Variants in KAZN observed in about 807,000 individuals in gnomAD.
KAZN encodes kazrin.
KAZN carries 40 observed loss-of-function variants against 87.4 expected under a neutral mutation model. The ratio of observed to expected loss-of-function variants is 0.46; its 90% CI spans 0.36 to 0.60. The LOEUF (loss-of-function observed/expected upper bound fraction) is 0.60. KAZN is among the 20% of genes least tolerant of loss of function. The pLI is 0.00. For missense variants in KAZN, 898 were observed against 1,073.9 expected (o/e 0.84, Z 2.29); for synonymous variants, 466 against 458.3 (o/e 1.02, Z -0.22).
At chr1:14,748,979 A>C (rs1644336773) in intron 1 of KAZN, among the ~76,000 whole-genome samples, 1 of 152,224 alleles carries the variant, frequency 6.6e-6, no homozygotes, top group African/African-American at 2.4e-5. Flanking sequence ...TGTAAGAAAA[A>C]GACCACAAAG....
chr1:14,109,320 A>G (rs1644448653), intron 1 of KAZN, among the ~76,000 whole-genome samples: 1 of 152,190 alleles, frequency 6.6e-6, no homozygotes, highest in African/African-American at 2.4e-5. Flanking sequence ...CCATTTATCC[A>G]TTTCAAACTC....
At chr1:14,514,988 C>T (rs781235472) in intron 2 of KAZN, among the ~76,000 whole-genome samples, 1 of 152,096 alleles carries the variant, frequency 6.6e-6, no homozygotes, top group Non-Finnish European at 1.5e-5. Flanking sequence ...TAGAGTATCC[C>T]ATTCCTCTAT....
intron 1 of KAZN, chr1:14,946,040 C>A: frequency 2.6e-6 from 1 of 377,936 alleles, no homozygotes; most frequent in Non-Finnish European, 3.6e-6. Context: ...CTATTGTGAT[C>A]TTCATTCTCC....
upstream of KAZN, chr1:14,598,640 G>C: frequency 8.8e-7 from 1 of 1,138,534 alleles, no homozygotes; most frequent in African/African-American, 1.6e-5. This position sits in a 1 kb window ranked among gnomAD's most constrained non-coding sequence, Gnocchi z 4.2. Context: ...AGCCGGCGGC[G>C]AATGGTAGGC....
At chr1:14,371,019 C>A (rs1193334322) in intron 2 of KAZN, among the ~76,000 whole-genome samples, 1 of 152,138 alleles carries the variant, frequency 6.6e-6, no homozygotes, top group Non-Finnish European at 1.5e-5. Flanking sequence ...ATAATGGACA[C>A]TATTGAACCA....
chr1:14,394,398 G>A (rs182873704), intron 2 of KAZN, among the ~76,000 whole-genome samples: 46 of 152,298 alleles, frequency 3.0e-4, no homozygotes, highest in African/African-American at 1.1e-3. Context: ...TCTGGGATGG[G>A]GGTAGAAAGA....
rs541797334 is a variant in KAZN at position 14,189,620 on chromosome 1, T to G, written c.249+9028T>G. Among the ~76,000 whole-genome samples, 21 of 152,264 alleles carry G rather than the reference T, an allele frequency of 1.4e-4. 1 individual carries two copies. In the South Asian group the frequency reaches 4.1e-3, roughly 30 times the overall value. On this transcript the variant is annotated intron_variant, in intron 2 of 16. Coordinates refer to the KAZN transcript ENST00000636203. ...ACCTCTCTCACCCTCCTTAGCAGGCTAACTCCAGAATATTTCCATAGTGGT... is the reference window on the plus strand; with the variant it reads ...ACCTCTCTCACCCTCCTTAGCAGGCGAACTCCAGAATATTTCCATAGTGGT...
At chr1:14,268,235 G>A (rs1264809853) in intron 2 of KAZN, among the ~76,000 whole-genome samples, 2 of 152,216 alleles carry the variant, frequency 1.3e-5, no homozygotes, top group Admixed American at 1.3e-4. Context: ...TATTTGCACA[G>A]TGCCTGGTAC....
At chr1:14,423,585 C>T (rs963966652) in intron 2 of KAZN, among the ~76,000 whole-genome samples, 1 of 152,086 alleles carries the variant, frequency 6.6e-6, no homozygotes, top group Non-Finnish European at 1.5e-5. Flanking sequence ...TAGAGGATGC[C>T]ATGTATTGAG....
intron 2 of KAZN, among the ~76,000 whole-genome samples, chr1:14,433,381 A>G (rs1296809272): frequency 6.6e-6 from 1 of 152,060 alleles, no homozygotes; most frequent in Non-Finnish European, 1.5e-5. Context: ...TTCATTCAAC[A>G]TAATATTTTT....
intron 2 of KAZN, among the ~76,000 whole-genome samples, chr1:14,997,631 ACAC>A (rs1222115353): frequency 6.6e-6 from 1 of 152,120 alleles, no homozygotes; most frequent in African/African-American, 2.4e-5. Flanking sequence ...GCAGCCTCAC[ACAC>A]CCAGAACAAC....
intron 2 of KAZN, among the ~76,000 whole-genome samples, chr1:14,427,513 A>AACAC (rs141037257): frequency 0.066 from 9,975 of 150,350 alleles, 500 homozygotes; most frequent in South Asian, 0.1. Flanking sequence ...CTATAATTTA[A>AACAC]ACACACACAC....
chr1:14,774,854 C>T (rs1645130360), intron 1 of KAZN, among the ~76,000 whole-genome samples: 1 of 152,178 alleles, frequency 6.6e-6, no homozygotes, highest in Non-Finnish European at 1.5e-5. Flanking sequence ...GTCCGTGGTA[C>T]ATCATCTACC....
intron 2 of KAZN, among the ~76,000 whole-genome samples, chr1:14,259,994 G>A (rs1216266543): frequency 6.6e-6 from 1 of 152,196 alleles, no homozygotes; most frequent in East Asian, 1.9e-4. Context: ...GAACGGGGTT[G>A]TGGACTCTTT....
At chr1:14,168,509 C>T (rs904817381) in intron 1 of KAZN, among the ~76,000 whole-genome samples, 2 of 152,158 alleles carry the variant, frequency 1.3e-5, no homozygotes, top group Admixed American at 6.5e-5. Flanking sequence ...TTAGAGGTGG[C>T]CTTTTTTGCT....
chr1:14,734,373 G>A (rs1227378067), intron 1 of KAZN, among the ~76,000 whole-genome samples: 3 of 147,772 alleles, frequency 2.0e-5, no homozygotes, highest in East Asian at 2.0e-4. Context: ...TGGCACCATC[G>A]GTTGACTGCA....
chr1:14,431,706 G>T (rs190319813), intron 2 of KAZN, among the ~76,000 whole-genome samples: 18 of 152,258 alleles, frequency 1.2e-4, no homozygotes, highest in Admixed American at 1.2e-3. Context: ...TTGAATGCTT[G>T]CTTCTGCTCC....
intron 1 of KAZN, among the ~76,000 whole-genome samples, chr1:13,999,346 TAAAAAAC>T (rs112870915): frequency 0.89 from 133,523 of 149,344 alleles, 59,924 homozygotes; most frequent in Middle Eastern, 0.94. Context: ...AGACTCCATC[TAAAAAAC>T]AAAAAACAAA....
At chr1:14,344,708 C>T (rs1657984553) in intron 2 of KAZN, among the ~76,000 whole-genome samples, 1 of 152,064 alleles carries the variant, frequency 6.6e-6, no homozygotes, top group African/African-American at 2.4e-5. Flanking sequence ...TGAGGAAGAA[C>T]TCATCAAAAT....
Sources: gnomAD v4.1 joint callset for allele counts (sites outside exome capture counted in the v4.1 genomes callset) on GRCh38, gnomAD v4.1.1 for gene constraint, Gnocchi (gnomAD v3.1) non-coding constraint, MANE v1.5 for transcripts, NCBI Gene and HGNC (gene_info 2026-07-23, HGNC 2026-07-21) for gene names.